Variants in LTBP2 observed in about 807,000 individuals in gnomAD.
LTBP2 encodes latent-transforming growth factor beta-binding protein 2.
In LTBP2, 103 loss-of-function variants were observed where a neutral mutation model predicts 210.6. The observed-to-expected ratio is 0.49, with a 90% confidence interval of 0.42 to 0.58. The LOEUF (loss-of-function observed/expected upper bound fraction) is 0.58, where lower values mean the gene tolerates loss of function less well. LTBP2 is among the 20% of genes least tolerant of loss of function. The pLI is 0.00. For synonymous variants in LTBP2, 1,007 were observed against 1,015.0 expected, an observed-to-expected ratio of 0.99 and a Z score of 0.15; for missense variants, 2,313 against 2,494.5, an observed-to-expected ratio of 0.93 and a Z score of 1.55.
chr14:74,507,404 G>T, intron 25 of LTBP2, 94 bp from the exon 26 acceptor site: 1 of 1,549,664 alleles, frequency 6.5e-7, no homozygotes, highest in Non-Finnish European at 8.9e-7. Context: ...TGGGGTTCTT[G>T]ATCTATTCCA....
intron 8 of LTBP2, among the ~76,000 whole-genome samples, chr14:74,541,223 A>G (rs2087503970): frequency 1.3e-5 from 2 of 152,004 alleles, no homozygotes; most frequent in Admixed American, 1.3e-4. Context: ...ATCTCTCCAC[A>G]AAGCATAAGC....
chr14:74,573,231 C>G (rs1433650764), intron 3 of LTBP2, among the ~76,000 whole-genome samples: 2 of 152,210 alleles, frequency 1.3e-5, no homozygotes, highest in Non-Finnish European at 2.9e-5. Flanking sequence ...TCGAGGAGAG[C>G]TAGGCTGGAA....
chr14:74,553,923 CGTGTGTGTGTGTGTGTGTGTGT>C, intron 4 of LTBP2, among the ~76,000 whole-genome samples: 1 of 130,574 alleles, frequency 7.7e-6, no homozygotes, highest in East Asian at 2.3e-4. Flanking sequence ...AGCGGAGAAA[CGTGTGTGTGTGTGTGTGTGTGT>C]GTGTGTGTGT....
chr14:74,509,223 C>T lies in LTBP2; in HGVS notation c.3403+15G>A. 1 of 1,613,520 alleles carries T rather than the reference C, an allele frequency of 6.2e-7. No homozygotes were observed. Among genetic ancestry groups the T allele is most frequent in the Non-Finnish European group, 8.5e-7 (1 of 1,179,980 alleles). On this transcript the variant is annotated intron_variant, in intron 22 of 35. Transcript: ENST00000261978. ...GGCATCCCATTTGTATCCTCTCCCA[C>T]ACAGAGGCTCATACCTTCACAGGAG... is the stretch of plus-strand genomic sequence containing the variant.
intron 3 of LTBP2, among the ~76,000 whole-genome samples, chr14:74,569,663 G>A (rs1386161320): frequency 6.6e-6 from 1 of 152,164 alleles, no homozygotes; most frequent in African/African-American, 2.4e-5. Context: ...ATCTGCTGGG[G>A]CGTCAGAGTC....
chr14:74,506,002 T>C, intron 28 of LTBP2, 46 bp downstream of exon 28: 1 of 1,613,074 alleles, frequency 6.2e-7, no homozygotes, highest in South Asian at 1.1e-5. Flanking sequence ...ACACGCTCTC[T>C]GTAAACCTCT....
intron 3 of LTBP2, among the ~76,000 whole-genome samples, chr14:74,573,812 G>A (rs1299656736): frequency 6.6e-6 from 1 of 152,206 alleles, no homozygotes; most frequent in Admixed American, 6.5e-5. Context: ...ACCTATGTGA[G>A]CCGGCACTTT....
intron 3 of LTBP2, among the ~76,000 whole-genome samples, chr14:74,575,216 G>C (rs1032283659): frequency 6.6e-6 from 1 of 152,200 alleles, no homozygotes; most frequent in African/African-American, 2.4e-5. Flanking sequence ...GCCAGCCGTG[G>C]CCTGCTCAGG....
At chr14:74,504,279 C>T (rs983249590) in intron 30 of LTBP2, among the ~76,000 whole-genome samples, 4 of 152,228 alleles carry the variant, frequency 2.6e-5, no homozygotes, top group Non-Finnish European at 4.4e-5. Context: ...AAAAAGTGCA[C>T]GGCGTGTAGC....
At position 74,508,955 on chromosome 14, in the gene LTBP2, G is replaced by T. The variant is rs774666316; in HGVS notation, c.3404-3C>A. On this transcript the variant is annotated splice_region_variant and splice_polypyrimidine_tract_variant and intron_variant, in intron 22 of 35. Coordinates refer to ENST00000261978, the MANE Select transcript of LTBP2 (RefSeq NM_000428.3). ...GGGGTCTTCACATTCATCCACATCT[G>T]CAGGGCCACACAGGGGAGGAAGACA... The T allele has an allele frequency of 1.2e-6, 2 of 1,613,328 alleles. No homozygotes were observed. The highest frequency in any genetic ancestry group is 2.2e-5 in the East Asian group (1 of 44,876).
chr14:74,506,870 TGTGTGTGTGC>T lies in LTBP2; in HGVS notation c.3908-57_3908-48del, dbSNP rs770227161. ...GATAGAGGATGTGTGTGTGTGTGTG[TGTGTGTGTGC>T]GCGCGCGCGTGTGTGCTCACTCTCT... On this transcript the variant is annotated intron_variant, in intron 26 of 35. Coordinates refer to ENST00000261978, the MANE Select transcript of LTBP2 (RefSeq NM_000428.3). 2.2e-4 allele frequency: 338 copies of T among 1,550,460 alleles called. No individual in the cohort carries two copies. In the African/African-American group the frequency reaches 5.5e-3, roughly 25 times the overall value.
At chr14:74,561,924 T>C (rs1489413054) in intron 3 of LTBP2, among the ~76,000 whole-genome samples, 2 of 151,934 alleles carry the variant, frequency 1.3e-5, no homozygotes, top group African/African-American at 4.8e-5. Context: ...AAAAACAACA[T>C]AAGGGCCAGG....
At chr14:74,594,675 C>T (rs1200694035) in intron 2 of LTBP2, among the ~76,000 whole-genome samples, 1 of 152,228 alleles carries the variant, frequency 6.6e-6, no homozygotes, top group East Asian at 1.9e-4. Context: ...AATCTGCTTA[C>T]TGGGGGGTCC....
At position 74,521,899 on chromosome 14, in the gene LTBP2, G is replaced by A; in HGVS notation, c.2788+12C>T. 6.2e-7 allele frequency: 1 copy of A among 1,613,942 alleles called. No individual in the cohort carries two copies. Among genetic ancestry groups the A allele is most frequent in the Non-Finnish European group, 8.5e-7 (1 of 1,179,954 alleles). On this transcript the variant is annotated intron_variant, in intron 17 of 35. Transcript: ENST00000261978. ...TGGGGCCTGGCCAAGGGCAAGGGCG[G>A]GCTTGGCTTACCTTGACACTCCTGT...
intron 22 of LTBP2, 42 bp downstream of exon 22, chr14:74,509,196 G>T: frequency 6.2e-7 from 1 of 1,613,066 alleles, no homozygotes; most frequent in Non-Finnish European, 8.5e-7. Context: ...CCTGACAGAG[G>T]GGGCATCCCA....
intron 15 of LTBP2, among the ~76,000 whole-genome samples, chr14:74,524,783 G>A (rs1595252868): frequency 6.6e-6 from 1 of 152,224 alleles, no homozygotes; most frequent in African/African-American, 2.4e-5. Flanking sequence ...GAAGAGCCAG[G>A]ATCCCAGTGG....
At chr14:74,530,144 C>G (rs972146889) in intron 10 of LTBP2, among the ~76,000 whole-genome samples, 2 of 152,240 alleles carry the variant, frequency 1.3e-5, no homozygotes, top group African/African-American at 4.8e-5. Flanking sequence ...CACTCTGGTT[C>G]TCCTACAGGA....
At chr14:74,608,960 C>T (rs2088568208) in intron 1 of LTBP2, among the ~76,000 whole-genome samples, 1 of 152,208 alleles carries the variant, frequency 6.6e-6, no homozygotes, top group African/African-American at 2.4e-5. Context: ...GCTATATCCT[C>T]AAGATCCAGT....
intron 8 of LTBP2, among the ~76,000 whole-genome samples, chr14:74,548,354 C>A (rs976132678): frequency 1.3e-5 from 2 of 152,102 alleles, no homozygotes; most frequent in African/African-American, 4.8e-5. Context: ...CAAACCTCTT[C>A]ATTCCTGATG....
Sources: allele counts gnomAD v4.1 joint callset (sites outside exome capture counted in the v4.1 genomes callset), GRCh38; gene constraint gnomAD v4.1.1; transcripts MANE v1.5; gene names NCBI Gene and HGNC (gene_info 2026-07-23, HGNC 2026-07-21).